The following CNTN3 variants were observed in gnomAD, a reference collection of about 807,000 sequenced individuals.
CNTN3 encodes contactin 3, also known as contactin-3.
Under a neutral mutation model 119.1 loss-of-function variants are expected in CNTN3, and 60 were observed. The observed-to-expected ratio is 0.50, with a 90% CI of 0.41 to 0.62. The LOEUF (loss-of-function observed/expected upper bound fraction) is 0.62. Among genes scored for constraint, CNTN3 ranks in the 20% least tolerant of loss-of-function variants. The probability of loss-of-function intolerance (pLI) is 0.00; values close to 1 mark genes in which losing one functional copy is unlikely to be tolerated. For missense variants in CNTN3, 1,101 were observed against 1,242.4 expected, an observed-to-expected ratio of 0.89 and a Z score of 1.71; for synonymous variants, 450 against 438.7, an observed-to-expected ratio of 1.03 and a Z score of -0.32.
At chr3:74,486,001 G>A (rs1484637392) in intron 4 of CNTN3, among the ~76,000 whole-genome samples, 1 of 152,108 alleles carries the variant, frequency 6.6e-6, no homozygotes, top group East Asian at 1.9e-4. Context: ...TTCTTGTTCT[G>A]ACAGTCTTTC....
chr3:74,270,442 A>G (rs1317344630), intron 20 of CNTN3, among the ~76,000 whole-genome samples: 1 of 152,202 alleles, frequency 6.6e-6, no homozygotes, highest in African/African-American at 2.4e-5. Flanking sequence ...AGAATGGATC[A>G]GATCTGAATC....
chr3:74,422,263 C>T (rs1447262996), intron 5 of CNTN3, among the ~76,000 whole-genome samples: 1 of 152,136 alleles, frequency 6.6e-6, no homozygotes, highest in Non-Finnish European at 1.5e-5. Context: ...TAAATCTGTA[C>T]AATCTGGAAC....
chr3:74,574,088 T>C (rs1014373786), intron 1 of CNTN3, among the ~76,000 whole-genome samples: 3 of 152,214 alleles, frequency 2.0e-5, no homozygotes, highest in Non-Finnish European at 4.4e-5. Flanking sequence ...ATATGTTATA[T>C]GAATAAAATG....
At chr3:74,435,308 G>C (rs747431532) in intron 4 of CNTN3, among the ~76,000 whole-genome samples, 15 of 152,080 alleles carry the variant, frequency 9.9e-5, no homozygotes, top group Non-Finnish European at 1.9e-4. Context: ...CCAAGTAGCT[G>C]GGTCCAAAGT....
intron 4 of CNTN3, among the ~76,000 whole-genome samples, chr3:74,428,837 C>T (rs1290640237): frequency 1.3e-5 from 2 of 152,218 alleles, no homozygotes; most frequent in South Asian, 2.1e-4. Flanking sequence ...ATAGATATAC[C>T]GTTTCCTATC....
chr3:74,515,478 T>A (rs781125782), intron 2 of CNTN3, among the ~76,000 whole-genome samples: 4 of 151,956 alleles, frequency 2.6e-5, no homozygotes, highest in Non-Finnish European at 5.9e-5. Flanking sequence ...GAAATACACA[T>A]CCTGTTTAAG....
chr3:74,507,626 C>CTTTTT (rs59540461), intron 2 of CNTN3, among the ~76,000 whole-genome samples: 1 of 103,652 alleles, frequency 9.6e-6, no homozygotes, highest in African/African-American at 4.0e-5. Flanking sequence ...TTCTTTCTTT[C>CTTTTT]TTTTTTTTTT....
intron 5 of CNTN3, among the ~76,000 whole-genome samples, chr3:74,420,067 T>C (rs1701593017): frequency 6.6e-6 from 1 of 152,204 alleles, no homozygotes; most frequent in African/African-American, 2.4e-5. Flanking sequence ...GGAGGTTAAT[T>C]CCTCTTGCTT....
At chr3:74,298,704 C>T (rs865969938) in intron 17 of CNTN3, among the ~76,000 whole-genome samples, 26 of 151,638 alleles carry the variant, frequency 1.7e-4, no homozygotes, top group African/African-American at 6.3e-4. Context: ...TGAGACCAGT[C>T]TGTCCAATAT....
chr3:74,547,910 C>T (rs535516801), intron 1 of CNTN3, among the ~76,000 whole-genome samples: 1 of 152,244 alleles, frequency 6.6e-6, no homozygotes, highest in African/African-American at 2.4e-5. Flanking sequence ...AAACATCCTT[C>T]TAAGAGTTTT....
intron 1 of CNTN3, among the ~76,000 whole-genome samples, chr3:74,587,853 G>A (rs1175488090): frequency 6.6e-6 from 1 of 152,110 alleles, no homozygotes; most frequent in East Asian, 1.9e-4. Context: ...GCGTGAGAGA[G>A]GGCATCCCTG....
chr3:74,508,557 C>T (rs1163135232), intron 2 of CNTN3, among the ~76,000 whole-genome samples: 2 of 152,036 alleles, frequency 1.3e-5, no homozygotes, highest in Non-Finnish European at 2.9e-5. Context: ...AGTAAGCATA[C>T]AACTGATAAA....
intron 1 of CNTN3, among the ~76,000 whole-genome samples, chr3:74,570,529 A>T (rs1704296711): frequency 1.7e-5 from 2 of 120,300 alleles, no homozygotes; most frequent in Non-Finnish European, 3.4e-5. Context: ...AAAAAAAAAG[A>T]GTGTCTTCTA....
chr3:74,461,856 T>G (rs1302815917), intron 4 of CNTN3, among the ~76,000 whole-genome samples: 3 of 152,214 alleles, frequency 2.0e-5, no homozygotes, highest in African/African-American at 7.2e-5. Context: ...TGTTTCTCAA[T>G]TCTTCAACAT....
chr3:74,314,419 T>C (rs1263729077), intron 13 of CNTN3, among the ~76,000 whole-genome samples: 1 of 152,102 alleles, frequency 6.6e-6, no homozygotes, highest in Non-Finnish European at 1.5e-5. Flanking sequence ...CAAAAACCTA[T>C]GTTATATATG....
chr3:74,530,872 G>A (rs1422249111), intron 1 of CNTN3, among the ~76,000 whole-genome samples: 1 of 151,936 alleles, frequency 6.6e-6, no homozygotes, highest in African/African-American at 2.4e-5. Flanking sequence ...AATATCCCCA[G>A]TGTTTTGGAA....
chr3:74,542,390 T>A (rs536475327), intron 1 of CNTN3, among the ~76,000 whole-genome samples: 6 of 152,274 alleles, frequency 3.9e-5, no homozygotes, highest in East Asian at 3.9e-4. Flanking sequence ...AGAAGCAACC[T>A]GCATAATTAT....
intron 11 of CNTN3, among the ~76,000 whole-genome samples, chr3:74,355,537 C>T (rs948643732): frequency 6.6e-6 from 1 of 151,962 alleles, no homozygotes; most frequent in Non-Finnish European, 1.5e-5. Flanking sequence ...ACACTGCAAC[C>T]TCCAACTCCT....
chr3:74,343,184 T>C (rs1005847389), intron 11 of CNTN3, among the ~76,000 whole-genome samples: 1 of 152,186 alleles, frequency 6.6e-6, no homozygotes, highest in African/African-American at 2.4e-5. Context: ...TTTCCTGACA[T>C]TTCACTCCAG....
Sources: gnomAD v4.1 joint callset for allele counts (sites outside exome capture counted in the v4.1 genomes callset) on GRCh38, gnomAD v4.1.1 for gene constraint, MANE v1.5 for transcripts, NCBI Gene and HGNC (gene_info 2026-07-23, HGNC 2026-07-21) for gene names.